Variants in TGFB2 observed in about 807,000 individuals in gnomAD.
TGFB2 encodes transforming growth factor beta-2 proprotein.
A neutral mutation model predicts 42.7 loss-of-function variants in TGFB2; 13 were observed. The observed-to-expected ratio is 0.30, with a 90% CI of 0.20 to 0.48. The LOEUF is 0.48. TGFB2 is among the 20% of genes least tolerant of loss of function. TGFB2 has a pLI of 0.99. For synonymous variants in TGFB2, 193 were observed against 193.6 expected (o/e 1.00, Z 0.03); for missense variants, 390 against 517.5 (o/e 0.75, Z 2.39).
rs886045968 is a variant in TGFB2, at chr1:218,346,056, G to T, written c.-646G>T. Among the ~76,000 whole-genome samples the T allele has an allele frequency of 1.4e-5, 2 of 145,604 alleles. No individual in the cohort carries two copies. The highest frequency in any genetic ancestry group is 5.0e-5 in the African/African-American group (2 of 39,610). On this transcript the variant is annotated 5_prime_UTR_variant, in exon 1 of 7. Coordinates refer to ENST00000366930, the MANE Select transcript of TGFB2 (RefSeq NM_003238.6). This position sits in a 1 kb window ranked among gnomAD's most constrained non-coding sequence, Gnocchi z 4.9. ...GGGCTCGCCCCCAGCGCGCGCACAC[G>T]CACACACACACACACACACACACAC...
intron 1 of TGFB2, among the ~76,000 whole-genome samples, chr1:218,348,044 G>A (rs1183415241): frequency 3.1e-4 from 47 of 151,358 alleles, no homozygotes; most frequent in Admixed American, 3.1e-3. Context: ...GGAACAGACA[G>A]TGTAGAATGA....
At chr1:218,363,400 T>A in intron 1 of TGFB2, 1 of 1,613,952 alleles carries the variant, frequency 6.2e-7, no homozygotes, top group Non-Finnish European at 8.5e-7. Flanking sequence ...CAGTCCCAGG[T>A]GCTCTGTGGG....
In TGFB2 at chr1:218,441,653, G is replaced by A. The variant is rs2102635050; in HGVS notation, c.*291G>A. ...TTAAAGAAAAAAATAAACACTGGAAGAATTTATTAGTGTTAATTATGTGAA... is the reference window on the plus strand; with the variant it reads ...TTAAAGAAAAAAATAAACACTGGAAAAATTTATTAGTGTTAATTATGTGAA... On this transcript the variant is annotated 3_prime_UTR_variant, in exon 7 of 7. Transcript: ENST00000366930. 4.2e-6 allele frequency: 1 copy of A among 240,224 alleles called. No homozygotes were observed. Among genetic ancestry groups the A allele is most frequent in the South Asian group, 9.1e-5 (1 of 10,958 alleles). 14.9% of individuals were successfully genotyped at this position (240,224 alleles called of 1,614,324 possible).
At chr1:218,378,483 T>G (rs1257787692) in intron 1 of TGFB2, among the ~76,000 whole-genome samples, 1 of 152,096 alleles carries the variant, frequency 6.6e-6, no homozygotes, top group Non-Finnish European at 1.5e-5. Flanking sequence ...GGCCATTTTT[T>G]GGGTATTTTT....
At chr1:218,358,298 A>T (rs1657102850) in intron 1 of TGFB2, among the ~76,000 whole-genome samples, 1 of 152,294 alleles carries the variant, frequency 6.6e-6, no homozygotes, top group Admixed American at 6.5e-5. Flanking sequence ...AATATAATTT[A>T]ATTTTAAAGT....
intron 1 of TGFB2, among the ~76,000 whole-genome samples, chr1:218,369,900 C>G (rs1318314058): frequency 6.6e-6 from 1 of 152,160 alleles, no homozygotes; most frequent in Non-Finnish European, 1.5e-5. Flanking sequence ...TCTTATCAGT[C>G]AAAAAGAATT....
chr1:218,425,025 T>C (rs906402892), intron 2 of TGFB2, among the ~76,000 whole-genome samples: 13 of 152,198 alleles, frequency 8.5e-5, no homozygotes, highest in Non-Finnish European at 1.8e-4. Flanking sequence ...AGCCACCTCT[T>C]GTGACTAGAG....
intron 2 of TGFB2, among the ~76,000 whole-genome samples, chr1:218,423,091 G>T (rs970318481): frequency 6.6e-6 from 1 of 152,166 alleles, no homozygotes; most frequent in African/African-American, 2.4e-5. Context: ...ATTTGTTCCT[G>T]CTGTAGGTAA....
chr1:218,346,630 C>CT lies in TGFB2; in HGVS notation c.-69dup, dbSNP rs1656687417. ...ACCAAACAACTCTCCTTGATCTATA[C>CT]TTTGAGAATTGTTGATTTCTTTTTT... On this transcript the variant is annotated 5_prime_UTR_variant, in exon 1 of 7. Transcript: ENST00000366930. This position sits in a 1 kb window ranked among gnomAD's most constrained non-coding sequence, Gnocchi z 4.9. 3.7e-6 allele frequency: 5 copies of CT among 1,367,008 alleles called. No individual in the cohort carries two copies. The highest frequency in any genetic ancestry group is 5.0e-6 in the Non-Finnish European group (5 of 1,003,804). The allele number at this position is 1,367,008 out of a possible 1,614,324, so 84.7% of individuals were successfully genotyped here. A position where few individuals can be genotyped will look rare whatever the true frequency, so the allele number is the denominator to read the frequency against.
intron 2 of TGFB2, among the ~76,000 whole-genome samples, chr1:218,425,073 A>G (rs1659576496): frequency 6.6e-6 from 1 of 152,238 alleles, no homozygotes; most frequent in Non-Finnish European, 1.5e-5. Context: ...ATCTTGCTCC[A>G]GAGGGCGAAA....
chr1:218,424,742 C>T (rs1659564597), intron 2 of TGFB2, among the ~76,000 whole-genome samples: 1 of 152,186 alleles, frequency 6.6e-6, no homozygotes, highest in Non-Finnish European at 1.5e-5. Context: ...TGAATAAGAA[C>T]AAAGGTTTTA....
chr1:218,380,414 G>T (rs1657920558), intron 1 of TGFB2, among the ~76,000 whole-genome samples: 1 of 151,982 alleles, frequency 6.6e-6, no homozygotes, highest in Admixed American at 6.6e-5. Flanking sequence ...TCTGAAACTG[G>T]CAACAGTAAT....
Position 218,346,572 on chromosome 1 carries a change from A to G in TGFB2, c.-130A>G, listed in dbSNP as rs770902069. Reference sequence around the variant, plus strand: ...TTGGGCATTGACTAGATTGTTTGCAAAAGTTTCGCATCAAAAACAACAACA... The same window carrying G: ...TTGGGCATTGACTAGATTGTTTGCAGAAGTTTCGCATCAAAAACAACAACA... On this transcript the variant is annotated 5_prime_UTR_variant, in exon 1 of 7. Coordinates refer to ENST00000366930, the MANE Select transcript of TGFB2 (RefSeq NM_003238.6). This position sits in a 1 kb window ranked among gnomAD's most constrained non-coding sequence, Gnocchi z 4.9. 1.5e-4 allele frequency: 119 copies of G among 769,406 alleles called. No homozygotes were observed. Among genetic ancestry groups the G allele is most frequent in the Non-Finnish European group, 2.1e-4 (105 of 509,262 alleles). 47.7% of individuals were successfully genotyped at this position (769,406 alleles called of 1,614,324 possible).
chr1:218,391,224 G>A (rs927810160), intron 1 of TGFB2, among the ~76,000 whole-genome samples: 9 of 152,158 alleles, frequency 5.9e-5, no homozygotes, highest in Admixed American at 5.9e-4. Context: ...CATTTTCCTT[G>A]ATGATTTGCA....
chr1:218,347,846 C>T (rs913910420), intron 1 of TGFB2, among the ~76,000 whole-genome samples: 3 of 152,048 alleles, frequency 2.0e-5, no homozygotes, highest in Admixed American at 2.0e-4. Flanking sequence ...ATTTTTCTTA[C>T]GGGTCTGTTA....
chr1:218,362,662 G>T (rs1278345172), intron 1 of TGFB2, among the ~76,000 whole-genome samples: 1 of 152,068 alleles, frequency 6.6e-6, no homozygotes, highest in East Asian at 1.9e-4. Context: ...TGGGGGAGGG[G>T]GTGTGCTTTC....
chr1:218,419,782 C>G (rs1363707350), intron 2 of TGFB2, among the ~76,000 whole-genome samples: 1 of 152,090 alleles, frequency 6.6e-6, no homozygotes, highest in Non-Finnish European at 1.5e-5. Flanking sequence ...TCTTCTGTGA[C>G]TTATTCAGAG....
chr1:218,381,258 G>GTTT (rs11405199), intron 1 of TGFB2, among the ~76,000 whole-genome samples: 31 of 137,730 alleles, frequency 2.3e-4, no homozygotes, highest in African/African-American at 4.6e-4. Flanking sequence ...TTTTGTTTTT[G>GTTT]TTTTTTTTTT....
intron 1 of TGFB2, among the ~76,000 whole-genome samples, chr1:218,360,280 G>A (rs1224345452): frequency 6.6e-6 from 1 of 152,162 alleles, no homozygotes; most frequent in African/African-American, 2.4e-5. Flanking sequence ...TCTTAGCTGT[G>A]TCATTGCAGG....
Sources: allele counts gnomAD v4.1 joint callset (sites outside exome capture counted in the v4.1 genomes callset), GRCh38; gene constraint gnomAD v4.1.1; non-coding constraint Gnocchi (gnomAD v3.1); transcripts MANE v1.5; gene names NCBI Gene and HGNC (gene_info 2026-07-23, HGNC 2026-07-21).